The following UGT2B28 variants were observed in gnomAD, a reference collection of about 807,000 sequenced individuals.
The protein encoded by UGT2B28 is UDP-glucuronosyltransferase 2B28.
Under a neutral mutation model 43.6 loss-of-function variants are expected in UGT2B28, and 45 were observed. That is an observed-to-expected ratio of 1.03 (90% CI 0.81 to 1.32). The LOEUF (loss-of-function observed/expected upper bound fraction) is 1.32. Ranked by LOEUF, UGT2B28 falls within the 40% of genes most tolerant of loss-of-function variation. UGT2B28 has a pLI of 0.00. For missense variants in UGT2B28, 649 were observed against 625.5 expected, an observed-to-expected ratio of 1.04 and a Z score of -0.40; for synonymous variants, 204 against 208.1, an observed-to-expected ratio of 0.98 and a Z score of 0.17.
chr4:69,285,491 T>G lies in UGT2B28; in HGVS notation c.871-1261T>G, dbSNP rs1243329348. Among the ~76,000 whole-genome samples, 12 of 138,906 alleles carry G rather than the reference T, an allele frequency of 8.6e-5. 2 individuals are homozygous for G. Among genetic ancestry groups the G allele is most frequent in the African/African-American group, 3.1e-4 (11 of 35,310 alleles). The allele number at this position is 138,906 out of a possible 152,430, so 91.1% of individuals were successfully genotyped here. On this transcript the variant is annotated intron_variant, in intron 2 of 5. Coordinates refer to ENST00000335568, the MANE Select transcript of UGT2B28 (RefSeq NM_053039.2). ...GATGAAACACTGAAAACGAGTCACA[T>G]TAAATGTGGTTACAGGTAACTGCAA...
rs1723781996 is a variant in UGT2B28, at chr4:69,286,609, G to A, written c.871-143G>A. The A allele has an allele frequency of 3.3e-6, 4 of 1,221,630 alleles. 1 individual carries two copies. The highest frequency in any genetic ancestry group is 1.1e-6 in the Non-Finnish European group (1 of 919,582). 75.7% of individuals were successfully genotyped at this position (1,221,630 alleles called of 1,614,324 possible). A position where few individuals can be genotyped will look rare whatever the true frequency, so the allele number is the denominator to read the frequency against. On this transcript the variant is annotated intron_variant, in intron 2 of 5. Transcript: ENST00000335568. ...AAACATCTTCTTGTAAAGAACCTGA[G>A]TGATTGAGTCAGTTAAAAAATATTA...
chr4:69,292,624 T>C (rs114226640), intron 5 of UGT2B28, among the ~76,000 whole-genome samples: 3,867 of 140,074 alleles, frequency 0.028, 589 homozygotes, highest in Non-Finnish European at 0.04. Context: ...TAAAATGATA[T>C]ACAAACACAT....
chr4:69,281,816 T>A (rs1723619603), intron 1 of UGT2B28, among the ~76,000 whole-genome samples: 2 of 140,838 alleles, frequency 1.4e-5, no homozygotes, highest in South Asian at 4.7e-4. Flanking sequence ...AGTCCAATTA[T>A]CTTGTTGAAG....
At chr4:69,283,818 C>A (rs570444434) in intron 2 of UGT2B28, among the ~76,000 whole-genome samples, 1 of 140,348 alleles carries the variant, frequency 7.1e-6, no homozygotes. Context: ...CTTGCAAAGT[C>A]ATATATGACA....
Position 69,294,924 on chromosome 4 carries a change from A to C in UGT2B28, c.*115A>C. ...TCTTTCTTCCTGTGACAAAAAAAAA[A>C]ACTTTTCAAAATCTACCTTGTCAAG... On this transcript the variant is annotated 3_prime_UTR_variant, in exon 6 of 6. Coordinates refer to ENST00000335568, the MANE Select transcript of UGT2B28 (RefSeq NM_053039.2). 7.6e-7 allele frequency: 1 copy of C among 1,316,738 alleles called. No homozygotes were observed. The highest frequency in any genetic ancestry group is 9.8e-7 in the Non-Finnish European group (1 of 1,019,766). 81.6% of individuals were successfully genotyped at this position (1,316,738 alleles called of 1,614,324 possible). A position where few individuals can be genotyped will look rare whatever the true frequency, so the allele number is the denominator to read the frequency against.
intron 1 of UGT2B28, among the ~76,000 whole-genome samples, 157 bp from the exon 2 acceptor site, chr4:69,282,357 A>G (rs1310001288): frequency 2.1e-5 from 3 of 140,384 alleles, no homozygotes; most frequent in African/African-American, 8.3e-5. Context: ...ATAATACATA[A>G]AAATATATTA....
Position 69,285,846 on chromosome 4 carries a change from C to T in UGT2B28, c.871-906C>T, listed in dbSNP as rs990630446. Among the ~76,000 whole-genome samples the T allele has an allele frequency of 9.1e-4, 128 of 141,036 alleles. 17 individuals carry two copies. Among genetic ancestry groups the T allele is most frequent in the Non-Finnish European group, 2.1e-4 (14 of 65,894 alleles). The allele number at this position is 141,036 out of a possible 152,430, so 92.5% of individuals were successfully genotyped here. A position where few individuals can be genotyped will look rare whatever the true frequency, so the allele number is the denominator to read the frequency against. ...CTACTCAAAAGAGAGACAAGATCCC[C>T]CTGCAGAAAGGCCTGGTGGCCTCTT... is the stretch of plus-strand genomic sequence containing the variant. On this transcript the variant is annotated intron_variant, in intron 2 of 5. Coordinates refer to ENST00000335568, the MANE Select transcript of UGT2B28 (RefSeq NM_053039.2).
Position 69,281,222 on chromosome 4 carries a change from G to T in UGT2B28, c.721+1G>T. 1 of 1,492,570 alleles carries T rather than the reference G, an allele frequency of 6.7e-7. No homozygotes were observed. Among genetic ancestry groups the T allele is most frequent in the Non-Finnish European group, 8.9e-7 (1 of 1,126,546 alleles). The allele number at this position is 1,492,570 out of a possible 1,614,324, so 92.5% of individuals were successfully genotyped here. On this transcript the variant is annotated splice_donor_variant, in intron 1 of 5. Transcript: ENST00000335568. LOFTEE classifies it high-confidence loss of function. ...GATCAGTTTTACAGTGAAGTTTTAGGTAAGAATTTGTTTAATCGGGAACTT... is the reference window on the plus strand; with the variant it reads ...GATCAGTTTTACAGTGAAGTTTTAGTTAAGAATTTGTTTAATCGGGAACTT...
rs1284485731 is a variant in UGT2B28, at chr4:69,289,194, T to TA, written c.1003-470dup. Among the ~76,000 whole-genome samples, 2 of 139,908 alleles carry TA rather than the reference T, an allele frequency of 1.4e-5. 1 individual carries two copies. The highest frequency in any genetic ancestry group is 3.1e-5 in the Non-Finnish European group (2 of 65,552). 91.8% of individuals were successfully genotyped at this position (139,908 alleles called of 152,430 possible). A position where few individuals can be genotyped will look rare whatever the true frequency, so the allele number is the denominator to read the frequency against. ...GTCTTCCACAATGGTTGAACTAACT[T>TA]ACATTCCAACCAACAGAGTATAAGC... On this transcript the variant is annotated intron_variant, in intron 3 of 5. Transcript: ENST00000335568.
chr4:69,281,169 G>C lies in UGT2B28; in HGVS notation c.669G>C (p.Trp223Cys). 6.5e-7 allele frequency: 1 copy of C among 1,546,766 alleles called. No homozygotes were observed. Among genetic ancestry groups the C allele is most frequent in the Non-Finnish European group, 8.7e-7 (1 of 1,150,792 alleles). ...NMIYVLYFDF[W>C]FQMCDMKKWD... Reference sequence around the variant, plus strand: ...TCTATGTGCTTTATTTTGACTTTTGGTTCCAAATGTGTGATATGAAGAAGT... The same window carrying C: ...TCTATGTGCTTTATTTTGACTTTTGCTTCCAAATGTGTGATATGAAGAAGT... Residue 223 changes from tryptophan to cysteine, a missense_variant, in exon 1 of 6, where the codon TGG becomes TGC. Trp to Cys is a radical substitution (Grantham distance 215, BLOSUM62 -2). Coordinates refer to ENST00000335568, the MANE Select transcript of UGT2B28 (RefSeq NM_053039.2).
At chr4:69,281,360 C>T in intron 1 of UGT2B28, 139 bp downstream of exon 1, 1 of 1,089,544 alleles carries the variant, frequency 9.2e-7, no homozygotes, top group Non-Finnish European at 1.2e-6. Context: ...GATGATCTAT[C>T]AATCTCACAA....
rs763761814 is a variant in UGT2B28 at position 69,293,845 on chromosome 4, A to T, written c.1311-685A>T. On this transcript the variant is annotated intron_variant, in intron 5 of 5. Coordinates refer to ENST00000335568, the MANE Select transcript of UGT2B28 (RefSeq NM_053039.2). ...GAGAAGCCAGGCAAAAATCTTAATC[A>T]GAAGAGTGCCATAATCTGACTTTAA... 4.0e-4 allele frequency among the ~76,000 whole-genome samples: 56 copies of T among 140,804 alleles called. 6 individuals are homozygous for T. Among genetic ancestry groups the T allele is most frequent in the Non-Finnish European group, 7.9e-4 (52 of 65,824 alleles). 92.4% of individuals were successfully genotyped at this position (140,804 alleles called of 152,430 possible). A position where few individuals can be genotyped will look rare whatever the true frequency, so the allele number is the denominator to read the frequency against.
chr4:69,284,184 T>C (rs1723703184), intron 2 of UGT2B28, among the ~76,000 whole-genome samples: 1 of 140,126 alleles, frequency 7.1e-6, no homozygotes, highest in African/African-American at 2.8e-5. Context: ...AGCACAGAGA[T>C]AGTGAACAAT....
intron 3 of UGT2B28, 85 bp from the exon 4 acceptor site, chr4:69,289,580 C>T (rs1723884627): frequency 8.1e-7 from 1 of 1,234,960 alleles, no homozygotes; most frequent in South Asian, 1.6e-5. Flanking sequence ...ATCCCTTGAT[C>T]TCATTCCTAC....
chr4:69,290,505 T>C lies in UGT2B28; in HGVS notation c.1091-87T>C. ...TGGCAAATTAGTTTAATGTGTTATCTAGAAAACACTGTCACTTTCAGAGCA... is the reference window on the plus strand; with the variant it reads ...TGGCAAATTAGTTTAATGTGTTATCCAGAAAACACTGTCACTTTCAGAGCA... On this transcript the variant is annotated intron_variant, in intron 4 of 5. Coordinates refer to ENST00000335568, the MANE Select transcript of UGT2B28 (RefSeq NM_053039.2). 14 of 1,474,630 alleles carry C rather than the reference T, an allele frequency of 9.5e-6. 1 individual carries two copies. The highest frequency in any genetic ancestry group is 1.3e-5 in the Non-Finnish European group (14 of 1,091,130). The allele number at this position is 1,474,630 out of a possible 1,614,324, so 91.3% of individuals were successfully genotyped here.
chr4:69,290,448 A>G, intron 4 of UGT2B28, 144 bp from the exon 5 acceptor site: 1 of 1,092,306 alleles, frequency 9.2e-7, no homozygotes, highest in African/African-American at 1.9e-5. Flanking sequence ...CTAAACAAGT[A>G]CGTGTTTATT....
At position 69,292,238 on chromosome 4, in the gene UGT2B28, A is replaced by G. The variant is rs191713274; in HGVS notation, c.1310+1427A>G. Among the ~76,000 whole-genome samples the G allele has an allele frequency of 5.6e-3, 782 of 140,432 alleles. 166 individuals are homozygous for G. Among genetic ancestry groups the G allele is most frequent in the African/African-American group, 0.021 (753 of 36,080 alleles). The allele number at this position is 140,432 out of a possible 152,430, so 92.1% of individuals were successfully genotyped here. A position where few individuals can be genotyped will look rare whatever the true frequency, so the allele number is the denominator to read the frequency against. On this transcript the variant is annotated intron_variant, in intron 5 of 5. Coordinates refer to ENST00000335568, the MANE Select transcript of UGT2B28 (RefSeq NM_053039.2). ...AAAGTTTTAATAATTGATTTTGTTC[A>G]CACCCCAAAGATAACAATGTGAAAA...
chr4:69,284,260 C>T lies in UGT2B28; in HGVS notation c.870+1598C>T, dbSNP rs368912342. Reference sequence around the variant, plus strand: ...CTGAATAGTGCCCTTAGTTTCAATACGAAAAAAAATTCTGTCAGCATATAA... The same window carrying T: ...CTGAATAGTGCCCTTAGTTTCAATATGAAAAAAAATTCTGTCAGCATATAA... On this transcript the variant is annotated intron_variant, in intron 2 of 5. Transcript: ENST00000335568. Among the ~76,000 whole-genome samples the T allele has an allele frequency of 1.0e-3, 142 of 138,664 alleles. 23 individuals are homozygous for T. The highest frequency in any genetic ancestry group is 7.4e-3 in the East Asian group (36 of 4,842). 91.0% of individuals were successfully genotyped at this position (138,664 alleles called of 152,430 possible).
rs1334610834 is a variant in UGT2B28 at position 69,286,877 on chromosome 4, A to T, written c.996A>T (p.Pro332=). Reference sequence around the variant, plus strand: ...TTGCAACAGCCCTTGCCAAGATCCCACAAAAGGTAAGATAAAGTGCCTTAC... The same window carrying T: ...TTGCAACAGCCCTTGCCAAGATCCCTCAAAAGGTAAGATAAAGTGCCTTAC... The part of the protein sequence containing the change: ...NVIATALAKI[P]QKVLWRFDGN... The change falls in exon 3 of 6, where the codon CCA becomes CCT. Residue 332 remains proline (P), a synonymous_variant. Coordinates refer to ENST00000335568, the MANE Select transcript of UGT2B28 (RefSeq NM_053039.2). 6.4e-7 allele frequency: 1 copy of T among 1,554,042 alleles called. No homozygotes were observed. The highest frequency in any genetic ancestry group is 1.5e-5 in the African/African-American group (1 of 64,940).
Sources: allele counts gnomAD v4.1 joint callset (sites outside exome capture counted in the v4.1 genomes callset), GRCh38; gene constraint gnomAD v4.1.1; transcripts MANE v1.5; gene names NCBI Gene and HGNC (gene_info 2026-07-23, HGNC 2026-07-21).